The following ERO1B variants were observed in gnomAD, a reference collection of about 807,000 sequenced individuals.
ERO1B encodes the protein endoplasmic reticulum oxidoreductase 1 beta, also known as ERO1-like protein beta.
In ERO1B, 49 loss-of-function variants were observed where a neutral mutation model predicts 75.3. The observed-to-expected ratio is 0.65, with a 90% CI of 0.52 to 0.83. The LOEUF (loss-of-function observed/expected upper bound fraction) is 0.83. Among genes scored for constraint, ERO1B ranks in the 40% least tolerant of loss-of-function variants. The probability of loss-of-function intolerance (pLI) is 0.00; values close to 1 mark genes in which losing one functional copy is unlikely to be tolerated. For synonymous variants in ERO1B, 191 were observed against 192.9 expected (o/e 0.99, Z 0.08); for missense variants, 512 against 560.1 (o/e 0.91, Z 0.87).
chr1:236,219,641 T>G (rs1457276558), intron 15 of ERO1B, among the ~76,000 whole-genome samples: 1 of 152,210 alleles, frequency 6.6e-6, no homozygotes, highest in African/African-American at 2.4e-5. Flanking sequence ...AGTTAATGGA[T>G]AGTCTATATC....
intron 1 of ERO1B, among the ~76,000 whole-genome samples, chr1:236,273,758 A>C (rs192027194): frequency 1.3e-5 from 2 of 149,234 alleles, no homozygotes; most frequent in East Asian, 4.0e-4. Flanking sequence ...GTGAGCCAAA[A>C]TCACACCACT....
At position 236,265,963 on chromosome 1, in the gene ERO1B, T is replaced by C. The variant is rs182586552; in HGVS notation, c.222+3912A>G. On this transcript the variant is annotated intron_variant, in intron 2 of 15. Transcript: ENST00000354619. The stretch of plus-strand genomic sequence containing the variant: ...TTATTTTCCCAAATACTTTCTCTAA[T>C]GTAGGGCTACCTACCTCTCCCACCC... 1.3e-3 allele frequency among the ~76,000 whole-genome samples: 198 copies of C among 152,346 alleles called. 3 individuals carry two copies. Among genetic ancestry groups the C allele is most frequent in the African/African-American group, 4.6e-3 (193 of 41,580 alleles).
intron 2 of ERO1B, among the ~76,000 whole-genome samples, chr1:236,267,138 T>TA (rs1457007082): frequency 2.6e-5 from 4 of 152,348 alleles, no homozygotes; most frequent in South Asian, 4.1e-4. Flanking sequence ...ATATAACTCT[T>TA]ACATAAAGTT....
Position 236,226,733 on chromosome 1 carries a change from C to T in ERO1B, c.719G>A (p.Cys240Tyr). The change falls in exon 11 of 16, where the codon TGT becomes TAT. Residue 240 changes from cysteine to tyrosine, a missense_variant. Cys to Tyr is a radical substitution (Grantham distance 194). Coordinates refer to ENST00000354619, the MANE Select transcript of ERO1B (RefSeq NM_019891.4). ...ESFYTWLEGL[C>Y]LEKRVFYKLI... is the part of the protein sequence containing the mutation. ...CTTATAGAAGACTCTTTTCTCCAGA[C>T]ACAAACCTATTCAGAAAAATATTGA... 3 of 1,606,352 alleles carry T rather than the reference C, an allele frequency of 1.9e-6. No homozygotes were observed. The highest frequency in any genetic ancestry group is 2.5e-6 in the Non-Finnish European group (3 of 1,177,646).
intron 7 of ERO1B, 38 bp from the exon 8 acceptor site, chr1:236,235,873 T>G: frequency 1.3e-6 from 2 of 1,568,026 alleles, no homozygotes; most frequent in Non-Finnish European, 1.7e-6. Flanking sequence ...ATAGAATGTT[T>G]TAACTTTTAT....
chr1:236,254,878 G>T (rs559718895), intron 2 of ERO1B, among the ~76,000 whole-genome samples: 143 of 151,532 alleles, frequency 9.4e-4, no homozygotes, highest in African/African-American at 3.3e-3. Flanking sequence ...CTCCCAAAGT[G>T]CTGGGATTAG....
intron 1 of ERO1B, among the ~76,000 whole-genome samples, chr1:236,279,504 C>CAAAAAAAAAAAAAAAAA (rs57596875): frequency 3.8e-5 from 3 of 78,526 alleles, no homozygotes; most frequent in African/African-American, 5.0e-5. Flanking sequence ...GACTCCATCT[C>CAAAAAAAAAAAAAAAAA]AAAAAAAAAA....
At chr1:236,263,595 T>A (rs973025876) in intron 2 of ERO1B, among the ~76,000 whole-genome samples, 7 of 152,054 alleles carry the variant, frequency 4.6e-5, no homozygotes, top group African/African-American at 1.7e-4. Context: ...ACATATTAAC[T>A]AGGGGCGAAT....
At chr1:236,250,094 C>T in intron 4 of ERO1B, 127 bp from the exon 5 acceptor site, 1 of 494,614 alleles carries the variant, frequency 2.0e-6, no homozygotes, top group Non-Finnish European at 3.4e-6. Flanking sequence ...TTATAAAAAT[C>T]CCTATCATAT....
At chr1:236,256,123 C>G (rs1405634) in intron 2 of ERO1B, among the ~76,000 whole-genome samples, 36,771 of 152,082 alleles carry the variant, frequency 0.24, 4,679 homozygotes, top group East Asian at 0.38. Flanking sequence ...GCCATCCACT[C>G]TCTCCTTGGA....
chr1:236,229,606 G>A (rs1166587048), intron 10 of ERO1B, among the ~76,000 whole-genome samples: 2 of 151,828 alleles, frequency 1.3e-5, no homozygotes, highest in Non-Finnish European at 2.9e-5. Context: ...TATACTAATG[G>A]CAATTTGGTA....
intron 15 of ERO1B, among the ~76,000 whole-genome samples, chr1:236,219,779 G>T (rs1452224241): frequency 6.6e-6 from 1 of 152,088 alleles, no homozygotes; most frequent in South Asian, 2.1e-4. Flanking sequence ...CCAGCACTTT[G>T]GGAGGCCAAG....
intron 2 of ERO1B, among the ~76,000 whole-genome samples, chr1:236,260,246 A>G (rs1438315768): frequency 6.6e-6 from 1 of 152,248 alleles, no homozygotes; most frequent in Non-Finnish European, 1.5e-5. Context: ...GATAACCTAG[A>G]AGAAATGAAG....
At chr1:236,239,825 G>GTATATATATATA in intron 6 of ERO1B, among the ~76,000 whole-genome samples, 1 of 50,824 alleles carries the variant, frequency 2.0e-5, no homozygotes, top group Non-Finnish European at 6.2e-5. Context: ...ATATATATGT[G>GTATATATATATA]TATATATATG....
intron 2 of ERO1B, among the ~76,000 whole-genome samples, chr1:236,269,024 C>G (rs1186741710): frequency 1.3e-5 from 2 of 152,180 alleles, no homozygotes; most frequent in Non-Finnish European, 2.9e-5. Flanking sequence ...GACCTGAGAT[C>G]AGGAGTTTGA....
chr1:236,254,758 G>A (rs1354982420), intron 2 of ERO1B, among the ~76,000 whole-genome samples: 1 of 151,904 alleles, frequency 6.6e-6, no homozygotes, highest in Non-Finnish European at 1.5e-5. Context: ...GATTACAGGT[G>A]TCCACCACCA....
chr1:236,259,672 T>A lies in ERO1B; in HGVS notation c.223-6167A>T, dbSNP rs572622213. Among the ~76,000 whole-genome samples, 11 of 150,744 alleles carry A rather than the reference T, an allele frequency of 7.3e-5. No homozygotes were observed. The South Asian group carries it at 2.3e-3, about 32-fold the overall frequency. ...CATTTAAAATGATAAGGGGGTCAAT[T>A]TATCAAGAAGTTACAAAAACTAAAT... On this transcript the variant is annotated intron_variant, in intron 2 of 15. Transcript: ENST00000354619.
chr1:236,258,153 A>AAAAAAAAC (rs1665207353), intron 2 of ERO1B, among the ~76,000 whole-genome samples: 1 of 140,116 alleles, frequency 7.1e-6, no homozygotes, highest in African/African-American at 2.6e-5. Context: ...ACAAAGCAAA[A>AAAAAAAAC]AAAAAAAAAA....
chr1:236,244,880 A>C (rs1441786829), intron 5 of ERO1B, among the ~76,000 whole-genome samples: 1 of 152,142 alleles, frequency 6.6e-6, no homozygotes, highest in Non-Finnish European at 1.5e-5. Context: ...CTTGGACTTA[A>C]CTCAGCACTT....
Sources: gnomAD v4.1 joint callset for allele counts (sites outside exome capture counted in the v4.1 genomes callset) on GRCh38, gnomAD v4.1.1 for gene constraint, MANE v1.5 for transcripts, NCBI Gene and HGNC (gene_info 2026-07-23, HGNC 2026-07-21) for gene names.